PACS1: variants seen among roughly 807,000 people sequenced by gnomAD.
PACS1 encodes the protein phosphofurin acidic cluster sorting protein 1, also known as PACS-1.
PACS1 carries 24 observed loss-of-function variants against 115.0 expected under a neutral mutation model. The observed-to-expected ratio is 0.21, with a 90% confidence interval of 0.15 to 0.29. PACS1 has a LOEUF of 0.29. Among genes scored for constraint, PACS1 ranks in the 10% least tolerant of loss-of-function variants. The pLI, the probability that PACS1 is intolerant of heterozygous loss-of-function variation, is 1.00. For synonymous variants in PACS1, 453 were observed against 504.5 expected (o/e 0.90, Z 1.37); for missense variants, 838 against 1,251.2 (o/e 0.67, Z 4.98).
At chr11:66,216,386 T>G in intron 5 of PACS1, 123 bp downstream of exon 5, 1 of 1,424,736 alleles carries the variant, frequency 7.0e-7, no homozygotes, top group African/African-American at 1.4e-5. Context: ...AAGTAAAATG[T>G]GGCTTCGGCC....
intron 2 of PACS1, among the ~76,000 whole-genome samples, chr11:66,206,734 C>T (rs886452057): frequency 2.0e-5 from 3 of 151,980 alleles, no homozygotes; most frequent in South Asian, 2.1e-4. Context: ...ACGGTGGTCA[C>T]GGTAGACCTG....
intron 1 of PACS1, among the ~76,000 whole-genome samples, chr11:66,095,935 T>C (rs964664217): frequency 6.6e-6 from 1 of 152,048 alleles, no homozygotes; most frequent in South Asian, 2.1e-4. Flanking sequence ...ATTTCTTCTT[T>C]TTTTTTTTTA....
At position 66,233,791 on chromosome 11, in the gene PACS1, C is replaced by G. The variant is rs1288944260; in HGVS notation, c.1845C>G (p.Asn615Lys). Residue 615 changes from asparagine to lysine, a missense_variant, in exon 16 of 24, where the codon AAC (asparagine) becomes AAG (lysine). Transcript: ENST00000320580. This position sits in a 1 kb window ranked among gnomAD's most constrained non-coding sequence, Gnocchi z 4.5. ...CGCTCCCCTTCCTCCCCAGCTGCAA[C>G]TGCAACTCTTCCATGCCGAGGCCAG... ...ALLTRIQRYC[N>K]CNSSMPRPVK... 4.3e-6 allele frequency: 7 copies of G among 1,613,718 alleles called. No individual in the cohort carries two copies. In the Admixed American group the frequency reaches 1.0e-4, roughly 23 times the overall value.
intron 1 of PACS1, among the ~76,000 whole-genome samples, chr11:66,106,398 C>T (rs1858040455): frequency 6.6e-6 from 1 of 152,040 alleles, no homozygotes; most frequent in Non-Finnish European, 1.5e-5. Flanking sequence ...ATGGTGAAAC[C>T]CCATTTCTAC....
At chr11:66,220,425 C>T (rs1354593207) in intron 8 of PACS1, 1 of 572,092 alleles carries the variant, frequency 1.7e-6, no homozygotes, top group Non-Finnish European at 3.1e-6. Flanking sequence ...GGAGCGGTGG[C>T]AGGAACTGGG....
chr11:66,212,418 C>T (rs529410844), intron 4 of PACS1, among the ~76,000 whole-genome samples: 18 of 151,654 alleles, frequency 1.2e-4, no homozygotes, highest in East Asian at 3.9e-4. Context: ...AGGCATGAGC[C>T]ACTGCGCCTG....
intron 14 of PACS1, among the ~76,000 whole-genome samples, 187 bp downstream of exon 14, chr11:66,232,463 G>A (rs1385609030): frequency 6.6e-6 from 1 of 152,202 alleles, no homozygotes; most frequent in Admixed American, 6.5e-5. Context: ...TATCCAACTT[G>A]TGGGATCTTA....
intron 2 of PACS1, among the ~76,000 whole-genome samples, chr11:66,205,870 G>A (rs1018938786): frequency 1.6e-4 from 24 of 152,040 alleles, no homozygotes; most frequent in African/African-American, 5.3e-4. Context: ...TAACCTGGCC[G>A]GTCACGGTGG....
chr11:66,070,452 C>T lies in PACS1; in HGVS notation c.-35C>T, dbSNP rs1590722910. 1.7e-6 allele frequency: 2 copies of T among 1,187,454 alleles called. No individual in the cohort carries two copies. Among genetic ancestry groups the T allele is most frequent in the East Asian group, 3.4e-5 (1 of 29,492 alleles). The allele number at this position is 1,187,454 out of a possible 1,614,324, so 73.6% of individuals were successfully genotyped here. On this transcript the variant is annotated 5_prime_UTR_variant, in exon 1 of 24. Coordinates refer to ENST00000320580, the MANE Select transcript of PACS1 (RefSeq NM_018026.4). The surrounding 1 kb of genome is among the most constrained non-coding windows in gnomAD (Gnocchi z 5.9). ...GGAAGCCTGGGAGCCAGATCGGCGT[C>T]GCCTCGGCCTCCGTAACCCCCGCCT...
intron 1 of PACS1, among the ~76,000 whole-genome samples, chr11:66,124,791 A>G (rs1858532460): frequency 6.6e-6 from 1 of 152,246 alleles, no homozygotes; most frequent in Admixed American, 6.5e-5. Flanking sequence ...ACAGATGTTT[A>G]TCATTTCAGA....
chr11:66,091,668 C>G (rs1857668628), intron 1 of PACS1, among the ~76,000 whole-genome samples: 1 of 151,680 alleles, frequency 6.6e-6, no homozygotes, highest in South Asian at 2.1e-4. Flanking sequence ...CTATCCCTCC[C>G]CCCTCCTCCC....
At chr11:66,176,554 CA>C (rs1859867330) in intron 1 of PACS1, among the ~76,000 whole-genome samples, 1 of 151,986 alleles carries the variant, frequency 6.6e-6, no homozygotes, top group Non-Finnish European at 1.5e-5. Context: ...GCTGGGTTTA[CA>C]GGCATGTGCT....
At chr11:66,134,637 G>C (rs575600367) in intron 1 of PACS1, among the ~76,000 whole-genome samples, 39 of 152,116 alleles carry the variant, frequency 2.6e-4, no homozygotes, top group African/African-American at 9.2e-4. Context: ...TGTTCCCAAA[G>C]TGGGAGCAGC....
At chr11:66,135,530 A>G (rs1014480504) in intron 1 of PACS1, among the ~76,000 whole-genome samples, 10 of 152,170 alleles carry the variant, frequency 6.6e-5, no homozygotes, top group African/African-American at 2.4e-4. Flanking sequence ...ATAAATTACT[A>G]GTATTACAGA....
intron 1 of PACS1, among the ~76,000 whole-genome samples, chr11:66,079,073 A>G (rs867189708): frequency 1.3e-5 from 2 of 151,994 alleles, no homozygotes; most frequent in South Asian, 2.1e-4. Context: ...ATGCCCGACT[A>G]ATTTTTGTAT....
chr11:66,141,972 A>G (rs2134595083), intron 1 of PACS1, among the ~76,000 whole-genome samples: 1 of 151,772 alleles, frequency 6.6e-6, no homozygotes, highest in Non-Finnish European at 1.5e-5. Context: ...CACCCAGCTA[A>G]TTTTTGTATT....
chr11:66,199,208 GGGAGGCTAAGGCA>G (rs1854718472), intron 2 of PACS1, among the ~76,000 whole-genome samples: 1 of 151,908 alleles, frequency 6.6e-6, no homozygotes, highest in South Asian at 2.1e-4. Context: ...CCAGCTACTT[GGGAGGCTAAGGCA>G]GGAGAATGGC....
At chr11:66,114,392 T>G (rs1261645751) in intron 1 of PACS1, among the ~76,000 whole-genome samples, 1 of 142,210 alleles carries the variant, frequency 7.0e-6, no homozygotes, top group African/African-American at 2.6e-5. Flanking sequence ...CACTCCAGCC[T>G]GGGCGACAGA....
At chr11:66,116,622 G>A (rs1247649176) in intron 1 of PACS1, among the ~76,000 whole-genome samples, 15 of 152,242 alleles carry the variant, frequency 9.9e-5, no homozygotes, top group Admixed American at 9.2e-4. Context: ...GCTGGGCACA[G>A]TGGCTCACGC....
Sources: gnomAD v4.1 joint callset for allele counts (sites outside exome capture counted in the v4.1 genomes callset) on GRCh38, gnomAD v4.1.1 for gene constraint, Gnocchi (gnomAD v3.1) non-coding constraint, MANE v1.5 for transcripts, NCBI Gene and HGNC (gene_info 2026-07-23, HGNC 2026-07-21) for gene names.